The following DCAF13 variants were observed in gnomAD, a reference collection of about 807,000 sequenced individuals.
The protein encoded by DCAF13 is DDB1- and CUL4-associated factor 13.
A neutral mutation model predicts 59.0 loss-of-function variants in DCAF13; 38 were observed. That is an observed-to-expected ratio of 0.64 (90% CI 0.50 to 0.84). DCAF13 has a LOEUF of 0.84. Ranked by LOEUF, DCAF13 falls within the 40% of genes least tolerant of loss-of-function variation. The pLI, the probability that DCAF13 is intolerant of heterozygous loss-of-function variation, is 0.00. For missense variants in DCAF13, 469 were observed against 558.4 expected (o/e 0.84, Z 1.61); for synonymous variants, 173 against 175.0 (o/e 0.99, Z 0.09).
intron 5 of DCAF13, chr8:103,429,061 AT>A (rs1247845013): frequency 2.0e-5 from 3 of 152,188 alleles, no homozygotes; most frequent in Non-Finnish European, 4.4e-5. Context: ...TTAATAATTA[AT>A]TTTCTCTTAA....
At position 103,438,211 on chromosome 8, in the gene DCAF13, G is replaced by A. The variant is rs1055757441; in HGVS notation, c.951-1925G>A. ...TTGGAAAAAAGGGCTTCTTAGGTAT[G>A]TGGAGATTATAAGAAATGAGTCTTC... On this transcript the variant is annotated intron_variant, in intron 8 of 10. Transcript: ENST00000612750. Among the ~76,000 whole-genome samples, 9 of 152,174 alleles carry A rather than the reference G, an allele frequency of 5.9e-5. 1 individual carries two copies. The highest frequency in any genetic ancestry group is 1.7e-4 in the African/African-American group (7 of 41,438).
chr8:103,421,415 A>G, intron 3 of DCAF13: 1 of 371,984 alleles, frequency 2.7e-6, no homozygotes, highest in Middle Eastern at 3.7e-4. Flanking sequence ...GAATCATCGA[A>G]GTTTTGTGCC....
At chr8:103,418,862 ATATATTTT>A (rs1816677748) in intron 1 of DCAF13, among the ~76,000 whole-genome samples, 1 of 21,232 alleles carries the variant, frequency 4.7e-5, no homozygotes, top group African/African-American at 2.6e-4. Context: ...ATATATATAT[ATATATTTT>A]TTTTTTTTTT....
At chr8:103,420,541 G>C in intron 2 of DCAF13, 78 bp downstream of exon 2, 1 of 1,437,592 alleles carries the variant, frequency 7.0e-7, no homozygotes. Context: ...TTTAGTTACT[G>C]TAGGTTTTAC....
intron 6 of DCAF13, among the ~76,000 whole-genome samples, chr8:103,431,692 CATG>C (rs1432755145): frequency 4.6e-5 from 7 of 152,156 alleles, no homozygotes; most frequent in Admixed American, 3.9e-4. Flanking sequence ...GAGAATAAAA[CATG>C]ATACTTTAAG....
intron 1 of DCAF13, among the ~76,000 whole-genome samples, chr8:103,418,824 TTATATATATATATATATATATATATATA>T (rs1188672878): frequency 1.1e-3 from 46 of 41,410 alleles, no homozygotes; most frequent in South Asian, 8.2e-3. Flanking sequence ...CTAAGCATAA[TTATATATATATATATATATATATATATA>T]TATATATATA....
At chr8:103,416,645 T>C (rs1025400650) in intron 1 of DCAF13, among the ~76,000 whole-genome samples, 2 of 152,238 alleles carry the variant, frequency 1.3e-5, no homozygotes, top group African/African-American at 4.8e-5. Flanking sequence ...TGTGATTCTA[T>C]CACTTCTTCA....
At chr8:103,422,067 A>G (rs979012979) in intron 3 of DCAF13, among the ~76,000 whole-genome samples, 3 of 152,346 alleles carry the variant, frequency 2.0e-5, no homozygotes, top group African/African-American at 4.8e-5. Context: ...TTGGCAGGCA[A>G]TAATAAGAGG....
chr8:103,436,606 A>T (rs927071270), intron 8 of DCAF13, among the ~76,000 whole-genome samples: 1 of 152,136 alleles, frequency 6.6e-6, no homozygotes. Flanking sequence ...TTTTGTAAAG[A>T]GGTAGTTTAC....
intron 3 of DCAF13, among the ~76,000 whole-genome samples, chr8:103,425,802 G>A (rs570788770): frequency 6.6e-6 from 1 of 152,094 alleles, no homozygotes; most frequent in South Asian, 2.1e-4. Context: ...ATCACAATAT[G>A]CATGACCTAA....
intron 5 of DCAF13, chr8:103,430,267 C>T (rs1004107021): frequency 6.3e-6 from 1 of 158,028 alleles, no homozygotes; most frequent in African/African-American, 2.4e-5. Context: ...TGGCGCACCC[C>T]TGTAATCCCA....
intron 1 of DCAF13, among the ~76,000 whole-genome samples, chr8:103,419,355 A>G (rs987705479): frequency 6.6e-6 from 1 of 152,178 alleles, no homozygotes; most frequent in African/African-American, 2.4e-5. Context: ...TGAGATAGTA[A>G]TAGAACTTAA....
At position 103,440,263 on chromosome 8, in the gene DCAF13, T is replaced by C; in HGVS notation, c.1078T>C (p.Leu360=). 2 of 1,584,450 alleles carry C rather than the reference T, an allele frequency of 1.3e-6. No individual in the cohort carries two copies. The highest frequency in any genetic ancestry group is 1.7e-6 in the Non-Finnish European group (2 of 1,168,170). The change falls in exon 9 of 11, where the codon TTG becomes CTG. Residue 360 remains leucine, a synonymous_variant. Transcript: ENST00000612750. Reference sequence around the variant, plus strand: ...GTGGAAAGCTAATGCTTCTGAAAAATTGGGTGTGGTAAGAGAATTCATTTT... The same window carrying C: ...GTGGAAAGCTAATGCTTCTGAAAAACTGGGTGTGGTAAGAGAATTCATTTT... ...RLWKANASEK[L]GVLTSREKAA... is the part of the protein sequence containing the mutation.
rs1435051726 is a variant in DCAF13 at position 103,418,999 on chromosome 8, T to A, written c.71-1265T>A. Among the ~76,000 whole-genome samples the A allele has an allele frequency of 7.5e-5, 11 of 147,118 alleles. No homozygotes were observed. The East Asian group carries it at 2.3e-3, about 30-fold the overall frequency. On this transcript the variant is annotated intron_variant, in intron 1 of 10. Transcript: ENST00000612750. Reference sequence around the variant, plus strand: ...CCCAGGTTCAAGTGATTCTTTTGCCTCAGCCTCCTGAGTAGCTGGGACTGC... The same window carrying A: ...CCCAGGTTCAAGTGATTCTTTTGCCACAGCCTCCTGAGTAGCTGGGACTGC...
chr8:103,435,493 G>A, intron 7 of DCAF13, 133 bp from the exon 8 acceptor site: 4 of 626,558 alleles, frequency 6.4e-6, no homozygotes, highest in South Asian at 6.0e-5. Context: ...TCACCTGCTT[G>A]TGTACAGCAT....
At position 103,438,307 on chromosome 8, in the gene DCAF13, C is replaced by T. The variant is rs187124624; in HGVS notation, c.951-1829C>T. 9.1e-3 allele frequency among the ~76,000 whole-genome samples: 1,388 copies of T among 152,134 alleles called. 19 individuals carry two copies. The highest frequency in any genetic ancestry group is 0.032 in the African/African-American group (1,327 of 41,500). ...CTAGTTTTCATTTTAATAGGACGTT[C>T]TTTTTAATCATCCCCTCTCTTTTAA... On this transcript the variant is annotated intron_variant, in intron 8 of 10. Coordinates refer to ENST00000612750, the MANE Select transcript of DCAF13 (RefSeq NM_015420.7).
rs375771006 is a variant in DCAF13, at chr8:103,416,205, TG to T, written c.70+690del. 2.3e-3 allele frequency among the ~76,000 whole-genome samples: 343 copies of T among 152,340 alleles called. 5 individuals carry two copies. Among genetic ancestry groups the T allele is most frequent in the African/African-American group, 7.6e-3 (318 of 41,576 alleles). ...AGAAAGAAGGGCTGTGTCATTAGTT[TG>T]AATGAGGAGTAAGCGAGATGAGATG... On this transcript the variant is annotated intron_variant, in intron 1 of 10. Transcript: ENST00000612750.
chr8:103,418,866 ATTTTTTTTTTTTTTTTTT>A (rs1159489554), intron 1 of DCAF13, among the ~76,000 whole-genome samples: 2,085 of 38,452 alleles, frequency 0.054, 65 homozygotes, highest in African/African-American at 0.088. Context: ...ATATATATAT[ATTTTTTTTTTTTTTTTTT>A]TTTTTTTTTT....
chr8:103,415,635 C>T lies in DCAF13; in HGVS notation c.70+119C>T. 7.8e-6 allele frequency: 8 copies of T among 1,021,098 alleles called. No individual in the cohort carries two copies. The East Asian group carries it at 1.8e-4, about 23-fold the overall frequency. The allele number at this position is 1,021,098 out of a possible 1,614,324, so 63.3% of individuals were successfully genotyped here. ...TCTGGTCTGGTTCTTTCTCAGTTAC[C>T]TTTCGCTAAGGCAAACTTTGTGCTT... On this transcript the variant is annotated intron_variant, in intron 1 of 10. Transcript: ENST00000612750.
Sources: allele counts gnomAD v4.1 joint callset (sites outside exome capture counted in the v4.1 genomes callset), GRCh38; gene constraint gnomAD v4.1.1; transcripts MANE v1.5; gene names NCBI Gene and HGNC (gene_info 2026-07-23, HGNC 2026-07-21).